ADAMTS14: variants seen among roughly 807,000 people sequenced by gnomAD.
ADAMTS14 encodes the protein A disintegrin and metalloproteinase with thrombospondin motifs 14.
Under a neutral mutation model 128.6 loss-of-function variants are expected in ADAMTS14, and 100 were observed. That is an observed-to-expected ratio of 0.78 (90% CI 0.66 to 0.92). The LOEUF is 0.92. Ranked by LOEUF, ADAMTS14 falls within the 40% of genes least tolerant of loss-of-function variation. The probability of loss-of-function intolerance (pLI) is 0.00; values close to 1 mark genes in which losing one functional copy is unlikely to be tolerated. For synonymous variants in ADAMTS14, 665 were observed against 653.8 expected, an observed-to-expected ratio of 1.02 and a Z score of -0.26; for missense variants, 1,562 against 1,658.6, an observed-to-expected ratio of 0.94 and a Z score of 1.01.
At position 70,674,831 on chromosome 10, in the gene ADAMTS14, C is replaced by A. The variant is rs145448662; in HGVS notation, c.358C>A (p.Arg120Ser). The change falls in exon 2 of 22, where the codon CGC becomes AGC. Residue 120 changes from arginine (R) to serine (S), a missense_variant. Arg to Ser is a moderately radical substitution (Grantham distance 110). Transcript: ENST00000373207. ...VTVFGKELHLRLRPNRRLVVP... is the reference protein window; with the variant it reads ...VTVFGKELHLSLRPNRRLVVP... ...TGTTTTCGGGAAGGAACTGCACTTG[C>A]GCCTGCGGCCCAATCGGAGGTTGGT... is the stretch of plus-strand genomic sequence containing the variant. 3.7e-6 allele frequency: 6 copies of A among 1,613,916 alleles called. No homozygotes were observed. The highest frequency in any genetic ancestry group is 4.2e-6 in the Non-Finnish European group (5 of 1,180,036).
At chr10:70,677,350 G>T (rs72814511) in intron 2 of ADAMTS14, among the ~76,000 whole-genome samples, 26,060 of 152,128 alleles carry the variant, frequency 0.17, 2,853 homozygotes, top group Non-Finnish European at 0.25. Flanking sequence ...CTCATTAGCT[G>T]TGTGACCTTG....
chr10:70,735,087 A>G (rs1841782204), intron 8 of ADAMTS14, 82 bp from the exon 9 acceptor site: 3 of 1,530,764 alleles, frequency 2.0e-6, no homozygotes, highest in South Asian at 2.6e-5. Flanking sequence ...GGCCTTGCTC[A>G]TGAAAACCCC....
intron 11 of ADAMTS14, among the ~76,000 whole-genome samples, chr10:70,739,525 C>T (rs975774236): frequency 6.6e-6 from 1 of 152,000 alleles, no homozygotes; most frequent in Non-Finnish European, 1.5e-5. Flanking sequence ...CTCCCCAACT[C>T]CATGGTTTTG....
rs1842422887 is a variant in ADAMTS14 at position 70,754,022 on chromosome 10, G to C, written c.2937+15G>C. The C allele has an allele frequency of 6.5e-7, 1 of 1,533,474 alleles. No individual in the cohort carries two copies. The highest frequency in any genetic ancestry group is 2.0e-5 in the Admixed American group (1 of 50,414). The allele number at this position is 1,533,474 out of a possible 1,614,324, so 95.0% of individuals were successfully genotyped here. ...CCTGGTCCCAGGTGACTTGTCCTCA[G>C]GAGGTGGGAGGGGCTTGGGGAGGAG... On this transcript the variant is annotated intron_variant, in intron 19 of 21. Coordinates refer to ENST00000373207, the MANE Select transcript of ADAMTS14 (RefSeq NM_080722.4).
chr10:70,755,745 AGG>A (rs1842466985), intron 19 of ADAMTS14, among the ~76,000 whole-genome samples: 1 of 152,172 alleles, frequency 6.6e-6, no homozygotes, highest in Non-Finnish European at 1.5e-5. Flanking sequence ...GCTACTCGGG[AGG>A]CTGAGGCAGG....
intron 4 of ADAMTS14, among the ~76,000 whole-genome samples, chr10:70,714,399 G>A (rs780397344): frequency 2.0e-5 from 3 of 152,196 alleles, no homozygotes; most frequent in Admixed American, 1.3e-4. Context: ...CTGGTAGGCC[G>A]TGGGGCTGGG....
intron 19 of ADAMTS14, among the ~76,000 whole-genome samples, chr10:70,755,648 C>A (rs542686188): frequency 6.6e-6 from 1 of 152,316 alleles, no homozygotes; most frequent in African/African-American, 2.4e-5. Context: ...AGTTCAAGAC[C>A]AGTCTGGCCA....
At chr10:70,724,320 A>C (rs1419200146) in intron 4 of ADAMTS14, among the ~76,000 whole-genome samples, 1 of 152,204 alleles carries the variant, frequency 6.6e-6, no homozygotes, top group Non-Finnish European at 1.5e-5. Flanking sequence ...GGTGAGGAGC[A>C]GGGAAGCTGG....
At chr10:70,751,072 A>T (rs1406692946) in intron 16 of ADAMTS14, among the ~76,000 whole-genome samples, 2 of 152,236 alleles carry the variant, frequency 1.3e-5, no homozygotes, top group Non-Finnish European at 2.9e-5. Flanking sequence ...GAATGGGGGA[A>T]AATACTTGCA....
At chr10:70,727,484 G>C (rs1299578732) in intron 4 of ADAMTS14, among the ~76,000 whole-genome samples, 1 of 152,224 alleles carries the variant, frequency 6.6e-6, no homozygotes, top group Non-Finnish European at 1.5e-5. Flanking sequence ...AGCCATGTGG[G>C]CAGGAGGCAG....
At chr10:70,736,111 G>C (rs1302764385) in intron 9 of ADAMTS14, among the ~76,000 whole-genome samples, 1 of 152,240 alleles carries the variant, frequency 6.6e-6, no homozygotes, top group African/African-American at 2.4e-5. Context: ...TCCAAATGCT[G>C]TACTTGTAGG....
At chr10:70,724,372 A>G (rs1841362162) in intron 4 of ADAMTS14, among the ~76,000 whole-genome samples, 1 of 152,100 alleles carries the variant, frequency 6.6e-6, no homozygotes, top group Non-Finnish European at 1.5e-5. Context: ...CCTCGTAGCC[A>G]TCCTGTCTCG....
Position 70,730,249 on chromosome 10 carries a change from G to C in ADAMTS14, c.1102G>C (p.Gly368Arg), listed in dbSNP as rs199773547. 2.5e-6 allele frequency: 4 copies of C among 1,613,478 alleles called. No individual in the cohort carries two copies. The highest frequency in any genetic ancestry group is 3.4e-6 in the Non-Finnish European group (4 of 1,179,680). Residue 368 changes from glycine (G) to arginine (R), a missense_variant and splice_region_variant, in exon 6 of 22, where the codon GGG becomes CGG. Coordinates refer to ENST00000373207, the MANE Select transcript of ADAMTS14 (RefSeq NM_080722.4). ...CACCCGGCAGGACTTTGGGCCCTCA[G>C]GTATGCAAGGTACTGTATTTGCCAT... ...FLTRQDFGPSGYAPVTGMCHP... is the reference protein window; with the variant it reads ...FLTRQDFGPSRYAPVTGMCHP...
At chr10:70,733,856 T>G in intron 7 of ADAMTS14, 29 bp from the exon 8 acceptor site, 2 of 1,601,356 alleles carry the variant, frequency 1.2e-6, no homozygotes, top group South Asian at 2.2e-5. Flanking sequence ...CTGGGATGTA[T>G]CAGGACTCCT....
chr10:70,754,688 C>T (rs533039370), intron 19 of ADAMTS14, among the ~76,000 whole-genome samples: 3 of 152,152 alleles, frequency 2.0e-5, no homozygotes, highest in South Asian at 2.1e-4. Flanking sequence ...TCCATGGCTA[C>T]GGGCTTTGCA....
intron 3 of ADAMTS14, among the ~76,000 whole-genome samples, chr10:70,703,445 G>A (rs768328394): frequency 2.0e-5 from 3 of 152,216 alleles, no homozygotes; most frequent in East Asian, 1.9e-4. Context: ...CAGTGCATCC[G>A]TTGAAGCTCC....
At chr10:70,728,788 G>A (rs1039649965) in intron 4 of ADAMTS14, among the ~76,000 whole-genome samples, 7 of 152,254 alleles carry the variant, frequency 4.6e-5, no homozygotes, top group African/African-American at 1.7e-4. Context: ...AAGCTCCCAG[G>A]TGCTGCTGCT....
intron 15 of ADAMTS14, 65 bp downstream of exon 15, chr10:70,745,371 C>A: frequency 6.5e-7 from 1 of 1,543,938 alleles, no homozygotes; most frequent in Non-Finnish European, 8.9e-7. Context: ...CTTGGGGGAG[C>A]TGGGAGACCA....
intron 4 of ADAMTS14, among the ~76,000 whole-genome samples, chr10:70,709,803 A>T (rs1840785946): frequency 6.6e-6 from 1 of 152,210 alleles, no homozygotes. Flanking sequence ...CCCAGCCTAC[A>T]TTTCCAGTTT....
Sources: gnomAD v4.1 joint callset for allele counts (sites outside exome capture counted in the v4.1 genomes callset) on GRCh38, gnomAD v4.1.1 for gene constraint, MANE v1.5 for transcripts, NCBI Gene and HGNC (gene_info 2026-07-23, HGNC 2026-07-21) for gene names.